The following MAML3 variants were observed in gnomAD, a reference collection of about 807,000 sequenced individuals.
The protein encoded by MAML3 is mastermind-like protein 3.
In MAML3, 27 loss-of-function variants were observed where a neutral mutation model predicts 101.9. That is an observed-to-expected ratio of 0.27 (90% CI 0.20 to 0.37). The LOEUF is 0.37. Among genes scored for constraint, MAML3 ranks in the 10% least tolerant of loss-of-function variants. MAML3 has a pLI of 1.00. For missense variants in MAML3, 1,316 were observed against 1,444.9 expected (o/e 0.91, Z 1.45); for synonymous variants, 501 against 555.9 (o/e 0.90, Z 1.39).
rs572167417 is a variant in MAML3, at chr4:139,780,572, T to G, written c.2080-49905A>C. On this transcript the variant is annotated intron_variant, in intron 2 of 4. Coordinates refer to ENST00000509479, the MANE Select transcript of MAML3 (RefSeq NM_018717.5). ...GAGTAATCCTTGAAAAAACTGCTTT[T>G]TATTGTCTACATGTGGCTGTGCATG... 3.3e-5 allele frequency among the ~76,000 whole-genome samples: 5 copies of G among 152,244 alleles called. No individual in the cohort carries two copies. The East Asian group carries it at 9.6e-4, about 29-fold the overall frequency.
intron 2 of MAML3, among the ~76,000 whole-genome samples, chr4:139,814,144 T>C (rs1220336613): frequency 6.6e-6 from 1 of 151,942 alleles, no homozygotes; most frequent in Admixed American, 6.6e-5. Context: ...GAAAGAGAAC[T>C]GTGGGTAGGT....
At chr4:140,104,009 C>T (rs767870411) in intron 1 of MAML3, among the ~76,000 whole-genome samples, 2 of 152,044 alleles carry the variant, frequency 1.3e-5, no homozygotes, top group African/African-American at 2.4e-5. Context: ...ACTATTCTCT[C>T]AGTAAAGATA....
chr4:140,056,197 C>G (rs1727345825), intron 1 of MAML3, among the ~76,000 whole-genome samples: 1 of 152,134 alleles, frequency 6.6e-6, no homozygotes, highest in South Asian at 2.1e-4. Context: ...AGGGGGAATT[C>G]CCTTTACCAA....
intron 2 of MAML3, among the ~76,000 whole-genome samples, chr4:139,756,896 A>T (rs979722662): frequency 6.6e-6 from 1 of 152,110 alleles, no homozygotes; most frequent in African/African-American, 2.4e-5. Flanking sequence ...ACATTGCAGG[A>T]CCTCATATGA....
At chr4:140,081,223 A>G (rs1433081311) in intron 1 of MAML3, among the ~76,000 whole-genome samples, 1 of 152,102 alleles carries the variant, frequency 6.6e-6, no homozygotes, top group Non-Finnish European at 1.5e-5. Flanking sequence ...AGAAAATAAC[A>G]TGTCTTTGTC....
At chr4:139,965,373 C>A (rs1335510238) in intron 1 of MAML3, among the ~76,000 whole-genome samples, 1 of 152,056 alleles carries the variant, frequency 6.6e-6, no homozygotes, top group East Asian at 1.9e-4. Flanking sequence ...CTCTCCCTTC[C>A]GTAAGTATTA....
intron 1 of MAML3, among the ~76,000 whole-genome samples, chr4:140,027,568 A>G (rs1560870824): frequency 1.3e-5 from 2 of 152,198 alleles, no homozygotes; most frequent in Non-Finnish European, 2.9e-5. Context: ...TGCCCTACCC[A>G]GTGCTTAAAA....
At chr4:139,909,890 T>G (rs1037515980) in intron 1 of MAML3, among the ~76,000 whole-genome samples, 1 of 127,866 alleles carries the variant, frequency 7.8e-6, no homozygotes, top group Non-Finnish European at 1.7e-5. Context: ...CATCCAGCCA[T>G]ACACATGAGT....
intron 1 of MAML3, among the ~76,000 whole-genome samples, chr4:140,069,454 A>C (rs1215040708): frequency 1.0e-5 from 1 of 95,908 alleles, no homozygotes; most frequent in Non-Finnish European, 2.2e-5. Flanking sequence ...GAGGAGAAGG[A>C]GGAGAAGGAG....
At position 140,152,925 on chromosome 4, in the gene MAML3, G is replaced by A. The variant is rs1206976042; in HGVS notation, c.403C>T (p.Pro135Ser). ...TCCGCATCTTGCTGGGGTTTGCTCG[G>A]GTGCTGCTGTTTGCCGGTGCCGGCG... ...SGAGTGKQQH[P>S]SKPQQDAEAA... Residue 135 changes from proline (P) to serine (S), a missense_variant, in exon 1 of 5, where the codon CCG becomes TCG. Physicochemically the swap from Pro to Ser is moderately conservative, Grantham distance 74. Coordinates refer to ENST00000509479, the MANE Select transcript of MAML3 (RefSeq NM_018717.5). 17 of 1,612,858 alleles carry A rather than the reference G, an allele frequency of 1.1e-5. No homozygotes were observed. The highest frequency in any genetic ancestry group is 1.4e-5 in the Non-Finnish European group (17 of 1,179,702).
intron 1 of MAML3, among the ~76,000 whole-genome samples, chr4:140,125,107 T>G (rs181179310): frequency 2.0e-4 from 31 of 152,346 alleles, no homozygotes; most frequent in Admixed American, 2.0e-3. Flanking sequence ...ATTCTGAAAT[T>G]TAGACATTCA....
intron 1 of MAML3, among the ~76,000 whole-genome samples, chr4:140,077,400 G>A (rs574543163): frequency 5.9e-5 from 9 of 152,168 alleles, no homozygotes; most frequent in Non-Finnish European, 1.2e-4. Context: ...CCGCATCAAA[G>A]GCAGCCCTGA....
At chr4:139,970,192 A>C (rs934115371) in intron 1 of MAML3, among the ~76,000 whole-genome samples, 2 of 152,234 alleles carry the variant, frequency 1.3e-5, no homozygotes, top group African/African-American at 4.8e-5. Context: ...GCAAGGAATC[A>C]ATAATTAAAT....
chr4:140,060,235 G>A (rs896229344), intron 1 of MAML3, among the ~76,000 whole-genome samples: 4 of 151,308 alleles, frequency 2.6e-5, no homozygotes, highest in East Asian at 1.9e-4. Flanking sequence ...GTGTGGTGGC[G>A]GGTGCCTGTA....
At chr4:139,993,382 T>TAC (rs1734718315) in intron 1 of MAML3, among the ~76,000 whole-genome samples, 1 of 151,318 alleles carries the variant, frequency 6.6e-6, no homozygotes, top group African/African-American at 2.4e-5. Context: ...CATACATATA[T>TAC]ACACACATAT....
chr4:140,139,578 A>G (rs1265521098), intron 1 of MAML3, among the ~76,000 whole-genome samples: 1 of 152,208 alleles, frequency 6.6e-6, no homozygotes, highest in Non-Finnish European at 1.5e-5. Context: ...TTAGTCATTT[A>G]TTACCTATTA....
At chr4:139,976,851 C>G (rs1040946152) in intron 1 of MAML3, among the ~76,000 whole-genome samples, 2 of 152,006 alleles carry the variant, frequency 1.3e-5, no homozygotes, top group Non-Finnish European at 2.9e-5. Context: ...CAGGGCACAT[C>G]TGGCAATGTC....
chr4:139,859,150 C>T (rs903132797), intron 2 of MAML3, among the ~76,000 whole-genome samples: 2 of 152,010 alleles, frequency 1.3e-5, no homozygotes, highest in African/African-American at 4.8e-5. Context: ...ATGTCCCAGG[C>T]ATGCACTTCC....
intron 1 of MAML3, among the ~76,000 whole-genome samples, chr4:139,969,806 C>T (rs894194629): frequency 6.6e-6 from 1 of 152,196 alleles, no homozygotes; most frequent in Non-Finnish European, 1.5e-5. Context: ...CCACTATAAA[C>T]ATTGGCAGCC....
Sources: gnomAD v4.1 joint callset for allele counts (sites outside exome capture counted in the v4.1 genomes callset) on GRCh38, gnomAD v4.1.1 for gene constraint, MANE v1.5 for transcripts, NCBI Gene and HGNC (gene_info 2026-07-23, HGNC 2026-07-21) for gene names.